RHOB: variants seen among roughly 807,000 people sequenced by gnomAD.
RHOB encodes the protein ras homolog family member B.
In RHOB, 6 loss-of-function variants were observed where a neutral mutation model predicts 12.9. The observed-to-expected ratio is 0.47, with a 90% CI of 0.25 to 0.92. The LOEUF (loss-of-function observed/expected upper bound fraction) is 0.92, where lower values mean the gene tolerates loss of function less well. Among genes scored for constraint, RHOB ranks in the 40% least tolerant of loss-of-function variants. The pLI is 0.16. For synonymous variants in RHOB, 168 were observed against 122.1 expected, an observed-to-expected ratio of 1.38 and a Z score of -2.48; for missense variants, 142 against 277.9, an observed-to-expected ratio of 0.51 and a Z score of 3.48.
chr2:20,447,318 C>G lies in RHOB; in HGVS notation c.-148C>G. On this transcript the variant is annotated 5_prime_UTR_variant, in exon 1 of 1. Coordinates refer to ENST00000272233, the MANE Select transcript of RHOB (RefSeq NM_004040.4). The stretch of plus-strand genomic sequence containing the variant: ...CGCCCCCGCCGCGGCAGCCGAAGCG[C>G]AGCGAGAGAACGCGCCACCGCGGGG... 1.9e-6 allele frequency: 1 copy of G among 536,930 alleles called. No homozygotes were observed. Among genetic ancestry groups the G allele is most frequent in the South Asian group, 4.1e-5 (1 of 24,170 alleles). The allele number at this position is 536,930 out of a possible 1,614,324, so 33.3% of individuals were successfully genotyped here.
chr2:20,447,698 AC>A lies in RHOB; in HGVS notation c.234del (p.Asp78GlufsTer26). On this transcript the variant is annotated frameshift_variant, in exon 1 of 1. Coordinates refer to ENST00000272233, the MANE Select transcript of RHOB (RefSeq NM_004040.4). LOFTEE classifies it high-confidence loss of function. ...CGGCCGCTCTCCTACCCGGACACCG[AC>A]GTCATTCTCATGTGCTTCTCGGTGG... The part of the protein sequence containing the change: ...RLRPLSYPDT[D>X]VILMCFSVDS... 1 of 1,613,348 alleles carries A rather than the reference AC, an allele frequency of 6.2e-7. No homozygotes were observed. Among genetic ancestry groups the A allele is most frequent in the Non-Finnish European group, 8.5e-7 (1 of 1,179,842 alleles).
At position 20,448,860 on chromosome 2, in the gene RHOB, A is replaced by G. The variant is rs1369349798; in HGVS notation, c.*804A>G. 2 of 167,154 alleles carry G rather than the reference A, an allele frequency of 1.2e-5. No individual in the cohort carries two copies. The highest frequency in any genetic ancestry group is 4.8e-5 in the African/African-American group (2 of 41,472). The allele number at this position is 167,154 out of a possible 1,614,324, so 10.4% of individuals were successfully genotyped here. ...CCTAGAAGTGAAAATTGTTCAGTCC[A>G]AGAAACTGATGTTATTTGATTTATT... On this transcript the variant is annotated 3_prime_UTR_variant, in exon 1 of 1. Coordinates refer to ENST00000272233, the MANE Select transcript of RHOB (RefSeq NM_004040.4).
chr2:20,447,231 G>T lies in RHOB; in HGVS notation c.-235G>T, dbSNP rs549333698. ...ATCCCCGGCCTGGGGTGAGCAGAGCGACCACCGCCCGGGAGCAGCGCGGCG... is the reference window on the plus strand; with the variant it reads ...ATCCCCGGCCTGGGGTGAGCAGAGCTACCACCGCCCGGGAGCAGCGCGGCG... On this transcript the variant is annotated 5_prime_UTR_variant, in exon 1 of 1. Coordinates refer to ENST00000272233, the MANE Select transcript of RHOB (RefSeq NM_004040.4). 4.4e-4 allele frequency: 164 copies of T among 374,126 alleles called. 3 individuals are homozygous for T. The highest frequency in any genetic ancestry group is 3.0e-3 in the African/African-American group (140 of 47,188). The allele number at this position is 374,126 out of a possible 1,614,324, so 23.2% of individuals were successfully genotyped here.
Position 20,447,924 on chromosome 2 carries a change from C to T in RHOB, c.459C>T (p.Ala153=). The T allele has an allele frequency of 6.2e-7, 1 of 1,613,220 alleles. No individual in the cohort carries two copies. The highest frequency in any genetic ancestry group is 8.5e-7 in the Non-Finnish European group (1 of 1,180,016). ...DGRAMAVRIQ[A]YDYLECSAKT... is the part of the protein sequence containing the mutation. ...GCGCCATGGCCGTGCGCATCCAAGCCTACGACTACCTCGAGTGCTCTGCCA... is the reference window on the plus strand; with the variant it reads ...GCGCCATGGCCGTGCGCATCCAAGCTTACGACTACCTCGAGTGCTCTGCCA... Residue 153 remains alanine, a synonymous_variant, in exon 1 of 1, where the codon GCC becomes GCT. Transcript: ENST00000272233.
chr2:20,447,917 T>G lies in RHOB; in HGVS notation c.452T>G (p.Ile151Ser), dbSNP rs140945749. ...TDDGRAMAVR[I>S]QAYDYLECSA... is the part of the protein sequence containing the mutation. ...GACGGCCGCGCCATGGCCGTGCGCATCCAAGCCTACGACTACCTCGAGTGC... is the reference window on the plus strand; with the variant it reads ...GACGGCCGCGCCATGGCCGTGCGCAGCCAAGCCTACGACTACCTCGAGTGC... Residue 151 changes from isoleucine to serine, a missense_variant, in exon 1 of 1, where the codon ATC becomes AGC. Ile to Ser is a moderately radical substitution (Grantham distance 142). This residue lies in a region of RHOB where 113 missense variants were observed against 166.3 expected (regional missense o/e 0.68). Transcript: ENST00000272233. 133 of 1,612,982 alleles carry G rather than the reference T, an allele frequency of 8.2e-5. No homozygotes were observed. Among genetic ancestry groups the G allele is most frequent in the Non-Finnish European group, 1.0e-4 (123 of 1,179,994 alleles).
rs551826089 is a variant in RHOB at position 20,447,113 on chromosome 2, G to A, written c.-353G>A. 4.9e-5 allele frequency: 11 copies of A among 225,972 alleles called. No homozygotes were observed. In the South Asian group the frequency reaches 1.6e-3, roughly 32 times the overall value. 14.0% of individuals were successfully genotyped at this position (225,972 alleles called of 1,614,324 possible). On this transcript the variant is annotated 5_prime_UTR_variant, in exon 1 of 1. The change abolishes an upstream ATG in the 5' untranslated region. Coordinates refer to ENST00000272233, the MANE Select transcript of RHOB (RefSeq NM_004040.4). ...TCTGGTTGGAGCTGTTGTCTTGTAT[G>A]CTCAGCGAGGCCCGGAGAGACCCGG...
rs1062292 is a variant in RHOB, at chr2:20,448,450, G to T, written c.*394G>T. ...TGTGGCCGCGCCCCATCAGATGTTC[G>T]CCCTTCACCAGCGGGAGCTTGATAT... On this transcript the variant is annotated 3_prime_UTR_variant, in exon 1 of 1. Transcript: ENST00000272233. 0.46 allele frequency: 95,702 copies of T among 205,932 alleles called. 24,476 individuals carry two copies. Among genetic ancestry groups the T allele is most frequent in the East Asian group, 0.86 (5,918 of 6,872 alleles). 12.8% of individuals were successfully genotyped at this position (205,932 alleles called of 1,614,324 possible).
Position 20,447,363 on chromosome 2 carries a change from C to T in RHOB, c.-103C>T, listed in dbSNP as rs1241236548. On this transcript the variant is annotated 5_prime_UTR_variant, in exon 1 of 1. Coordinates refer to ENST00000272233, the MANE Select transcript of RHOB (RefSeq NM_004040.4). ...GCGGGGCCCGGGTGCAGCTAGCGAC[C>T]CTCTCGCCACCTGCGCGCAGCCCGA... The T allele has an allele frequency of 8.0e-6, 7 of 878,964 alleles. No individual in the cohort carries two copies. The East Asian group carries it at 1.3e-4, about 16-fold the overall frequency. The allele number at this position is 878,964 out of a possible 1,614,324, so 54.4% of individuals were successfully genotyped here.
Position 20,447,437 on chromosome 2 carries a change from C to G in RHOB, c.-29C>G, listed in dbSNP as rs776970712. Reference sequence around the variant, plus strand: ...GAGGGCAGCGAGGCGTTCGCGGGCCCCCTCCTGCTGCCCGGGCCCGGCCCG... The same window carrying G: ...GAGGGCAGCGAGGCGTTCGCGGGCCGCCTCCTGCTGCCCGGGCCCGGCCCG... On this transcript the variant is annotated 5_prime_UTR_variant, in exon 1 of 1. Coordinates refer to ENST00000272233, the MANE Select transcript of RHOB (RefSeq NM_004040.4). 1.3e-6 allele frequency: 2 copies of G among 1,560,006 alleles called. No homozygotes were observed. The highest frequency in any genetic ancestry group is 1.7e-6 in the Non-Finnish European group (2 of 1,148,466).
chr2:20,447,389 G>GGTGAGCA lies in RHOB; in HGVS notation c.-70_-64dup, dbSNP rs1691018912. On this transcript the variant is annotated 5_prime_UTR_variant, in exon 1 of 1. Coordinates refer to ENST00000272233, the MANE Select transcript of RHOB (RefSeq NM_004040.4). Reference sequence around the variant, plus strand: ...CTCTCGCCACCTGCGCGCAGCCCGAGGTGAGCAGTGAGCGGCGAGCGGGAG... The same window carrying GGTGAGCA: ...CTCTCGCCACCTGCGCGCAGCCCGAGGTGAGCAGTGAGCAGTGAGCGGCGAGCGGGAG... 1 of 1,208,028 alleles carries GGTGAGCA rather than the reference G, an allele frequency of 8.3e-7. No individual in the cohort carries two copies. The highest frequency in any genetic ancestry group is 1.5e-5 in the African/African-American group (1 of 65,620). 74.8% of individuals were successfully genotyped at this position (1,208,028 alleles called of 1,614,324 possible).
At position 20,447,971 on chromosome 2, in the gene RHOB, A is replaced by C; in HGVS notation, c.506A>C (p.Glu169Ala). The change falls in exon 1 of 1, where the codon GAG becomes GCG. Residue 169 changes from glutamate (E) to alanine (A), a missense_variant. Physicochemically the swap from Glu to Ala is moderately radical, Grantham distance 107 (BLOSUM62 -1). Transcript: ENST00000272233. ...GCCAAGACCAAGGAAGGCGTGCGCG[A>C]GGTCTTCGAGACGGCCACGCGCGCC... ...CSAKTKEGVR[E>A]VFETATRAAL... 1 of 1,612,940 alleles carries C rather than the reference A, an allele frequency of 6.2e-7. No homozygotes were observed. Among genetic ancestry groups the C allele is most frequent in the Non-Finnish European group, 8.5e-7 (1 of 1,179,956 alleles).
Position 20,449,022 on chromosome 2 carries a change from T to TA in RHOB, c.*972dup, listed in dbSNP as rs555423149. 81 of 167,262 alleles carry TA rather than the reference T, an allele frequency of 4.8e-4. No individual in the cohort carries two copies. Among genetic ancestry groups the TA allele is most frequent in the African/African-American group, 1.7e-3 (71 of 41,596 alleles). The allele number at this position is 167,262 out of a possible 1,614,324, so 10.4% of individuals were successfully genotyped here. ...TAACCTCATCTACTTCTGATGTTTT[T>TA]AAAAAATGACTTTTAACAAGGAGAG... On this transcript the variant is annotated 3_prime_UTR_variant, in exon 1 of 1. Transcript: ENST00000272233.
rs1691022900 is a variant in RHOB, at chr2:20,447,543, T to C, written c.78T>C (p.Ser26=). Reference sequence around the variant, plus strand: ...AGACGTGCCTGCTGATCGTGTTCAGTAAGGACGAGTTCCCCGAGGTGTACG... The same window carrying C: ...AGACGTGCCTGCTGATCGTGTTCAGCAAGGACGAGTTCCCCGAGGTGTACG... ...CGKTCLLIVF[S]KDEFPEVYVP... Residue 26 remains serine, a synonymous_variant, in exon 1 of 1, where the codon AGT becomes AGC. Coordinates refer to ENST00000272233, the MANE Select transcript of RHOB (RefSeq NM_004040.4). The C allele has an allele frequency of 6.2e-7, 1 of 1,614,072 alleles. No individual in the cohort carries two copies. Among genetic ancestry groups the C allele is most frequent in the Non-Finnish European group, 8.5e-7 (1 of 1,180,018 alleles).
rs774124299 is a variant in RHOB, at chr2:20,447,472, G to A, written c.7G>A (p.Ala3Thr). 6.2e-7 allele frequency: 1 copy of A among 1,607,290 alleles called. No homozygotes were observed. Among genetic ancestry groups the A allele is most frequent in the South Asian group, 1.1e-5 (1 of 90,558 alleles). The change falls in exon 1 of 1, where the codon GCC (alanine) becomes ACC (threonine). Residue 3 changes from alanine (A) to threonine (T), a missense_variant. Ala to Thr is a moderately conservative substitution (Grantham distance 58, BLOSUM62 0). Around this residue, in one of 2 missense-constraint regions of RHOB, gnomAD observed 29 missense variants for 111.5 expected, o/e 0.26. Coordinates refer to ENST00000272233, the MANE Select transcript of RHOB (RefSeq NM_004040.4). MA[A>T]IRKKLVVVGD... ...GCCCGGGCCCGGCCCGCTCATGGCGGCCATCCGCAAGAAGCTGGTGGTGGT... is the reference window on the plus strand; with the variant it reads ...GCCCGGGCCCGGCCCGCTCATGGCGACCATCCGCAAGAAGCTGGTGGTGGT...
chr2:20,447,996 C>T lies in RHOB; in HGVS notation c.531C>T (p.Ala177=). The T allele has an allele frequency of 6.2e-7, 1 of 1,612,786 alleles. No homozygotes were observed. The highest frequency in any genetic ancestry group is 2.2e-5 in the East Asian group (1 of 44,860). Residue 177 remains alanine, a synonymous_variant, in exon 1 of 1, where the codon GCC becomes GCT. Transcript: ENST00000272233. ...VREVFETATR[A]ALQKRYGSQN... ...AGGTCTTCGAGACGGCCACGCGCGC[C>T]GCGCTGCAGAAGCGCTACGGCTCCC... is the stretch of plus-strand genomic sequence containing the variant.
chr2:20,447,706 C>T lies in RHOB; in HGVS notation c.241C>T (p.Leu81Phe). The change falls in exon 1 of 1, where the codon CTC becomes TTC. Residue 81 changes from leucine (L) to phenylalanine (F), a missense_variant. Transcript: ENST00000272233. ...CTCCTACCCGGACACCGACGTCATT[C>T]TCATGTGCTTCTCGGTGGACAGCCC... is the stretch of plus-strand genomic sequence containing the variant. ...PLSYPDTDVI[L>F]MCFSVDSPDS... 1 of 1,613,780 alleles carries T rather than the reference C, an allele frequency of 6.2e-7. No individual in the cohort carries two copies. Among genetic ancestry groups the T allele is most frequent in the South Asian group, 1.1e-5 (1 of 91,070 alleles).
At position 20,447,570 on chromosome 2, in the gene RHOB, G is replaced by A; in HGVS notation, c.105G>A (p.Val35=). ...AGGACGAGTTCCCCGAGGTGTACGT[G>A]CCCACCGTCTTCGAGAACTATGTGG... ...FSKDEFPEVY[V]PTVFENYVAD... The change falls in exon 1 of 1, where the codon GTG becomes GTA. Residue 35 remains valine (V), a synonymous_variant. Transcript: ENST00000272233. 1.2e-6 allele frequency: 2 copies of A among 1,614,092 alleles called. No individual in the cohort carries two copies. Among genetic ancestry groups the A allele is most frequent in the Non-Finnish European group, 1.7e-6 (2 of 1,180,018 alleles).
In RHOB at chr2:20,448,783, A is replaced by AG. The variant is rs1216302443; in HGVS notation, c.*730dup. ...CCCTCCACCAGCTACCGGAGGGAGG[A>AG]GGGAGGATGCGCTGTGGGGTTGTTT... On this transcript the variant is annotated 3_prime_UTR_variant, in exon 1 of 1. Transcript: ENST00000272233. The AG allele has an allele frequency of 1.2e-5, 2 of 167,030 alleles. No homozygotes were observed. Among genetic ancestry groups the AG allele is most frequent in the African/African-American group, 4.8e-5 (2 of 41,384 alleles). The allele number at this position is 167,030 out of a possible 1,614,324, so 10.3% of individuals were successfully genotyped here. A position where few individuals can be genotyped will look rare whatever the true frequency, so the allele number is the denominator to read the frequency against.
chr2:20,448,550 AAT>A lies in RHOB; in HGVS notation c.*498_*499del, dbSNP rs780074959. On this transcript the variant is annotated 3_prime_UTR_variant, in exon 1 of 1. Transcript: ENST00000272233. ...GGGGAGGATGGGGGGATGTTATATA[AAT>A]ATAGATATAATTTTATTTTCGGAGC... 13 of 168,638 alleles carry A rather than the reference AAT, an allele frequency of 7.7e-5. No homozygotes were observed. Among genetic ancestry groups the A allele is most frequent in the African/African-American group, 1.2e-4 (5 of 41,500 alleles). 10.4% of individuals were successfully genotyped at this position (168,638 alleles called of 1,614,324 possible). A position where few individuals can be genotyped will look rare whatever the true frequency, so the allele number is the denominator to read the frequency against.
Sources: gnomAD v4.1 joint callset for allele counts on GRCh38, gnomAD v4.1.1 for gene constraint, gnomAD v4.1.1 regional missense constraint, MANE v1.5 for transcripts, NCBI Gene and HGNC (gene_info 2026-07-23, HGNC 2026-07-21) for gene names.